TMEM255B: variants seen among roughly 807,000 people sequenced by gnomAD.
The protein encoded by TMEM255B is family with sequence similarity 70, member B.
Under a neutral mutation model 34.5 loss-of-function variants are expected in TMEM255B, and 35 were observed. The ratio of observed to expected loss-of-function variants is 1.01; its 90% CI spans 0.77 to 1.34. The LOEUF (loss-of-function observed/expected upper bound fraction) is 1.34. TMEM255B is among the 40% of genes most tolerant of loss of function. The pLI, the probability that TMEM255B is intolerant of heterozygous loss-of-function variation, is 0.00. For missense variants in TMEM255B, 432 were observed against 433.2 expected, an observed-to-expected ratio of 1.00 and a Z score of 0.02; for synonymous variants, 206 against 201.2, an observed-to-expected ratio of 1.02 and a Z score of -0.20.
intron 3 of TMEM255B, among the ~76,000 whole-genome samples, chr13:113,781,904 A>G (rs1312053281): frequency 6.6e-6 from 1 of 152,206 alleles, no homozygotes; most frequent in Non-Finnish European, 1.5e-5. Flanking sequence ...ATCATACAAG[A>G]TCCTTTCTTA....
intron 3 of TMEM255B, among the ~76,000 whole-genome samples, chr13:113,792,130 G>A (rs1266460923): frequency 6.6e-6 from 1 of 152,272 alleles, no homozygotes; most frequent in South Asian, 2.1e-4. Context: ...TGAGCCGTCT[G>A]TGTGTGTTTT....
intron 7 of TMEM255B, among the ~76,000 whole-genome samples, chr13:113,803,570 CGGCCCCATCCTCA>C (rs887626641): frequency 2.3e-4 from 28 of 123,472 alleles, no homozygotes; most frequent in African/African-American, 7.6e-4. Flanking sequence ...GCACTCGCCC[CGGCCCCATCCTCA>C]GGCCACCGCC....
chr13:113,812,085 C>A lies in TMEM255B; in HGVS notation c.*182C>A. On this transcript the variant is annotated 3_prime_UTR_variant, in exon 9 of 9. Transcript: ENST00000375353. ...GGCTGGAACCAGGCAGGGAGTGGGG[C>A]CCTCCAGACCCAGGCTGGTGACACC... 2 of 739,840 alleles carry A rather than the reference C, an allele frequency of 2.7e-6. No homozygotes were observed. The highest frequency in any genetic ancestry group is 2.9e-5 in the East Asian group (1 of 34,674). The allele number at this position is 739,840 out of a possible 1,614,324, so 45.8% of individuals were successfully genotyped here. A position where few individuals can be genotyped will look rare whatever the true frequency, so the allele number is the denominator to read the frequency against.
chr13:113,779,493 C>T (rs1287786042), intron 3 of TMEM255B, among the ~76,000 whole-genome samples: 1 of 152,020 alleles, frequency 6.6e-6, no homozygotes, highest in Non-Finnish European at 1.5e-5. Context: ...GAGGGAGCGT[C>T]TGCTGATACA....
chr13:113,785,318 C>T (rs2050724311), intron 3 of TMEM255B, among the ~76,000 whole-genome samples: 1 of 146,862 alleles, frequency 6.8e-6, no homozygotes, highest in Non-Finnish European at 1.5e-5. Flanking sequence ...ACTGGCTTTG[C>T]CTTCTGATTT....
rs1464357162 is a variant in TMEM255B at position 113,769,269 on chromosome 13, T to C, written c.252+109T>C. Reference sequence around the variant, plus strand: ...GCCCTGCCTCCCCAGCACACTGGTGTCTACAGGACCAGCTCTGAGGTTCCC... The same window carrying C: ...GCCCTGCCTCCCCAGCACACTGGTGCCTACAGGACCAGCTCTGAGGTTCCC... On this transcript the variant is annotated intron_variant, in intron 3 of 8. Coordinates refer to ENST00000375353, the MANE Select transcript of TMEM255B (RefSeq NM_182614.4). This position sits in a 1 kb window ranked among gnomAD's most constrained non-coding sequence, Gnocchi z 4.2. 1.6e-6 allele frequency: 2 copies of C among 1,243,814 alleles called. No individual in the cohort carries two copies. The highest frequency in any genetic ancestry group is 1.8e-5 in the Admixed American group (1 of 55,886). The allele number at this position is 1,243,814 out of a possible 1,614,324, so 77.0% of individuals were successfully genotyped here. A position where few individuals can be genotyped will look rare whatever the true frequency, so the allele number is the denominator to read the frequency against.
intron 3 of TMEM255B, among the ~76,000 whole-genome samples, chr13:113,776,656 G>T (rs1023349088): frequency 6.6e-6 from 1 of 152,238 alleles, no homozygotes; most frequent in Admixed American, 6.5e-5. Context: ...CGCCTGGTTA[G>T]CAGGGGCTGG....
chr13:113,773,778 C>T (rs938633342), intron 3 of TMEM255B, among the ~76,000 whole-genome samples: 1 of 152,234 alleles, frequency 6.6e-6, no homozygotes, highest in Non-Finnish European at 1.5e-5. Context: ...TCAGTTTCTT[C>T]ATTTGCATGG....
chr13:113,789,330 C>T (rs1859207115), intron 3 of TMEM255B, among the ~76,000 whole-genome samples: 1 of 152,242 alleles, frequency 6.6e-6, no homozygotes, highest in African/African-American at 2.4e-5. Context: ...GACAGAGTTT[C>T]TCCTGGCAGT....
At chr13:113,761,230 C>T in intron 1 of TMEM255B, 1 of 985,376 alleles carries the variant, frequency 1.0e-6, no homozygotes, top group Non-Finnish European at 1.2e-6. Context: ...TCTTAGAACC[C>T]TTCCAAGCAG....
chr13:113,795,537 GCA>G (rs72378730), intron 4 of TMEM255B, among the ~76,000 whole-genome samples: 16,450 of 135,386 alleles, frequency 0.12, 819 homozygotes, highest in Middle Eastern at 0.23. Context: ...AGAGCACACA[GCA>G]CACACACAAC....
intron 3 of TMEM255B, among the ~76,000 whole-genome samples, chr13:113,786,498 TCAC>T (rs1374277368): frequency 2.0e-5 from 3 of 151,154 alleles, no homozygotes; most frequent in Non-Finnish European, 3.0e-5. Flanking sequence ...GTCACCATCA[TCAC>T]CATCACCATC....
In TMEM255B at chr13:113,812,114, G is replaced by A; in HGVS notation, c.*211G>A. The A allele has an allele frequency of 3.2e-6, 2 of 621,966 alleles. No individual in the cohort carries two copies. The highest frequency in any genetic ancestry group is 5.5e-6 in the Non-Finnish European group (2 of 366,934). 38.5% of individuals were successfully genotyped at this position (621,966 alleles called of 1,614,324 possible). A position where few individuals can be genotyped will look rare whatever the true frequency, so the allele number is the denominator to read the frequency against. ...CCAGACCCAGGCTGGTGACACCTTG[G>A]CTTGGGCTCTGCTCACATCAAATGG... is the stretch of plus-strand genomic sequence containing the variant. On this transcript the variant is annotated 3_prime_UTR_variant, in exon 9 of 9. Transcript: ENST00000375353.
Position 113,795,129 on chromosome 13 carries a change from A to C in TMEM255B, c.253-19A>C. On this transcript the variant is annotated intron_variant, in intron 3 of 8. Transcript: ENST00000375353. ...GGGTTGGTAAAAGCTGGGCACCCAC[A>C]CCTCTCCTTCTGTTGCAGCTGGTGG... 6.2e-7 allele frequency: 1 copy of C among 1,612,834 alleles called. No individual in the cohort carries two copies. The highest frequency in any genetic ancestry group is 1.7e-5 in the Admixed American group (1 of 59,960).
rs187630784 is a variant in TMEM255B, at chr13:113,793,222, A to G, written c.253-1926A>G. Among the ~76,000 whole-genome samples, 995 of 152,304 alleles carry G rather than the reference A, an allele frequency of 6.5e-3. 11 individuals are homozygous for G. Among genetic ancestry groups the G allele is most frequent in the African/African-American group, 0.021 (890 of 41,566 alleles). On this transcript the variant is annotated intron_variant, in intron 3 of 8. Coordinates refer to ENST00000375353, the MANE Select transcript of TMEM255B (RefSeq NM_182614.4). ...GCCACGTCCCCCTCTGCCCCCTCGC[A>G]CAGCCACTGGGAGACAGAGCTCAGG...
At chr13:113,798,263 A>G (rs2050976804) in intron 4 of TMEM255B, among the ~76,000 whole-genome samples, 1 of 150,940 alleles carries the variant, frequency 6.6e-6, no homozygotes, top group African/African-American at 2.4e-5. Flanking sequence ...TGATGGATGG[A>G]TAGATAGGAG....
chr13:113,791,369 G>A (rs971518620), intron 3 of TMEM255B, among the ~76,000 whole-genome samples: 10 of 152,236 alleles, frequency 6.6e-5, no homozygotes, highest in African/African-American at 1.2e-4. Context: ...CCGCCGAGCC[G>A]GACAGGGACG....
rs144853216 is a variant in TMEM255B at position 113,816,678 on chromosome 13, G to T, written c.*4775G>T. The T allele has an allele frequency of 6.6e-6, 1 of 152,248 alleles. No homozygotes were observed. Among genetic ancestry groups the T allele is most frequent in the African/African-American group, 2.4e-5 (1 of 41,436 alleles). The allele number at this position is 152,248 out of a possible 1,614,324, so 9.4% of individuals were successfully genotyped here. Reference sequence around the variant, plus strand: ...CTCCGAAACTCTGGAGACCCACAGAGGCAGAAGAGGATTCCACGAGGCCGG... The same window carrying T: ...CTCCGAAACTCTGGAGACCCACAGATGCAGAAGAGGATTCCACGAGGCCGG... On this transcript the variant is annotated 3_prime_UTR_variant, in exon 9 of 9. Coordinates refer to ENST00000375353, the MANE Select transcript of TMEM255B (RefSeq NM_182614.4).
At chr13:113,785,108 C>T (rs535602978) in intron 3 of TMEM255B, among the ~76,000 whole-genome samples, 23 of 131,536 alleles carry the variant, frequency 1.7e-4, no homozygotes, top group Middle Eastern at 3.8e-3. Flanking sequence ...TGTTTCTGGT[C>T]GGAGGTGTCA....
Sources: allele counts gnomAD v4.1 joint callset (sites outside exome capture counted in the v4.1 genomes callset), GRCh38; gene constraint gnomAD v4.1.1; non-coding constraint Gnocchi (gnomAD v3.1); transcripts MANE v1.5; gene names NCBI Gene and HGNC (gene_info 2026-07-23, HGNC 2026-07-21).